The following SLC2A2 variants were observed in gnomAD, a reference collection of about 807,000 sequenced individuals.
The protein encoded by SLC2A2 is solute carrier family 2, facilitated glucose transporter member 2.
In SLC2A2, 36 loss-of-function variants were observed where a neutral mutation model predicts 54.5. That is an observed-to-expected ratio of 0.66 (90% CI 0.51 to 0.87). The LOEUF is 0.87. Among genes scored for constraint, SLC2A2 ranks in the 40% least tolerant of loss-of-function variants. The pLI is 0.00. For missense variants in SLC2A2, 543 were observed against 624.3 expected (o/e 0.87, Z 1.39); for synonymous variants, 223 against 219.1 (o/e 1.02, Z -0.16).
At chr3:171,022,856 CT>C (rs1418567490) in intron 1 of SLC2A2, among the ~76,000 whole-genome samples, 1 of 152,232 alleles carries the variant, frequency 6.6e-6, no homozygotes, top group Non-Finnish European at 1.5e-5. Context: ...TAGTTCACCC[CT>C]GTCACTTTAC....
chr3:171,014,901 G>A (rs1211616094), intron 2 of SLC2A2, among the ~76,000 whole-genome samples, 170 bp from the exon 3 acceptor site: 1 of 152,034 alleles, frequency 6.6e-6, no homozygotes, highest in Non-Finnish European at 1.5e-5. Flanking sequence ...ATAAAAGAAA[G>A]GTTATAAATT....
chr3:171,016,555 C>T (rs997216273), intron 2 of SLC2A2, among the ~76,000 whole-genome samples: 5 of 151,998 alleles, frequency 3.3e-5, no homozygotes, highest in African/African-American at 1.2e-4. Flanking sequence ...CTAATACTGT[C>T]TTCAGTAGGC....
chr3:171,019,057 A>ATG (rs762355106), intron 1 of SLC2A2, among the ~76,000 whole-genome samples: 2,844 of 137,810 alleles, frequency 0.021, 66 homozygotes, highest in South Asian at 0.061. Flanking sequence ...ATTTGTTGAT[A>ATG]TGTGTGTGTG....
At chr3:171,026,536 A>T in intron 1 of SLC2A2, 120 bp downstream of exon 1, 2 of 843,522 alleles carry the variant, frequency 2.4e-6, no homozygotes, top group Non-Finnish European at 4.2e-6. Context: ...AAGTAAAGAG[A>T]ATTAATTTTG....
intron 2 of SLC2A2, among the ~76,000 whole-genome samples, chr3:171,017,006 C>G (rs1421094336): frequency 6.6e-6 from 1 of 152,062 alleles, no homozygotes; most frequent in Non-Finnish European, 1.5e-5. Context: ...GCATGTGCCA[C>G]CACGCCCAGC....
intron 1 of SLC2A2, 89 bp from the exon 2 acceptor site, chr3:171,018,712 G>T (rs1021443263): frequency 1.5e-5 from 13 of 839,254 alleles, no homozygotes; most frequent in Non-Finnish European, 2.7e-5. Context: ...CTTCTTACAG[G>T]CTCCACAGGC....
chr3:171,007,220 A>G lies in SLC2A2; in HGVS notation c.540T>C (p.Ala180=). 6 of 1,612,708 alleles carry G rather than the reference A, an allele frequency of 3.7e-6. No homozygotes were observed. The highest frequency in any genetic ancestry group is 1.1e-5 in the South Asian group (1 of 91,066). The change falls in exon 5 of 11, where the codon GCT becomes GCC. Residue 180 remains alanine, a synonymous_variant. Coordinates refer to ENST00000314251, the MANE Select transcript of SLC2A2 (RefSeq NM_000340.2). The stretch of plus-strand genomic sequence containing the variant: ...CAAGTGCTCCCCTGAGAGCGGTTGG[A>G]GCAATTTCACCGATATACATAGGAA... ...GLVPMYIGEI[A]PTALRGALGT...
chr3:171,008,914 T>G (rs1715743265), intron 4 of SLC2A2, among the ~76,000 whole-genome samples: 1 of 152,124 alleles, frequency 6.6e-6, no homozygotes, highest in African/African-American at 2.4e-5. Flanking sequence ...TTAATTAGAC[T>G]GTTAACTTGA....
rs867530965 is a variant in SLC2A2 at position 171,026,655 on chromosome 3, C to T, written c.15+1G>A. ...TTGAAATGAATATAATGCTGCTTTA[C>T]CTTATCTTCTGTCATTGTACTAGTT... On this transcript the variant is annotated splice_donor_variant, in intron 1 of 10. Transcript: ENST00000314251. LOFTEE classifies it high-confidence loss of function. 1.9e-6 allele frequency: 3 copies of T among 1,612,800 alleles called. No homozygotes were observed. Among genetic ancestry groups the T allele is most frequent in the African/African-American group, 2.7e-5 (2 of 74,902 alleles).
intron 10 of SLC2A2, 42 bp from the exon 11 acceptor site, chr3:170,998,145 T>C (rs1047531903): frequency 1.2e-6 from 2 of 1,613,206 alleles, no homozygotes; most frequent in African/African-American, 1.3e-5. Flanking sequence ...AGCAGTTTTT[T>C]GACCCTCTCT....
chr3:171,021,909 G>T (rs1418836351), intron 1 of SLC2A2, among the ~76,000 whole-genome samples: 2 of 152,128 alleles, frequency 1.3e-5, no homozygotes, highest in Non-Finnish European at 2.9e-5. Flanking sequence ...CATCTCTCTG[G>T]CACTGACAAG....
chr3:171,024,263 T>A (rs114267961), intron 1 of SLC2A2, among the ~76,000 whole-genome samples: 1 of 152,326 alleles, frequency 6.6e-6, no homozygotes, highest in African/African-American at 2.4e-5. Flanking sequence ...TCTCATTCAT[T>A]TCTTTTGTCA....
At chr3:170,998,990 C>A in intron 9 of SLC2A2, 75 bp downstream of exon 9, 2 of 938,560 alleles carry the variant, frequency 2.1e-6, no homozygotes, top group South Asian at 2.6e-5. Flanking sequence ...ATACAAAGCA[C>A]TTTAACCTGG....
At chr3:171,002,506 A>G in intron 8 of SLC2A2, 70 bp downstream of exon 8, 2 of 976,844 alleles carry the variant, frequency 2.0e-6, no homozygotes, top group Admixed American at 1.8e-5. Flanking sequence ...TTAGAGCCGA[A>G]GTTCCCCACC....
At chr3:171,013,004 A>C (rs1715962782) in intron 3 of SLC2A2, among the ~76,000 whole-genome samples, 1 of 152,094 alleles carries the variant, frequency 6.6e-6, no homozygotes, top group African/African-American at 2.4e-5. Context: ...AAGTCACTGA[A>C]CTCATCAGAA....
At chr3:171,012,248 T>A (rs1313300944) in intron 3 of SLC2A2, among the ~76,000 whole-genome samples, 1 of 152,212 alleles carries the variant, frequency 6.6e-6, no homozygotes, top group Non-Finnish European at 1.5e-5. Context: ...TAGGTATTAT[T>A]TTTGTTTTCA....
At chr3:171,008,128 G>T (rs1308417781) in intron 4 of SLC2A2, among the ~76,000 whole-genome samples, 2 of 152,062 alleles carry the variant, frequency 1.3e-5, no homozygotes, top group Non-Finnish European at 2.9e-5. Flanking sequence ...TTAAAAATAG[G>T]ATTTGCAGAG....
chr3:171,022,843 C>T (rs1051124637), intron 1 of SLC2A2, among the ~76,000 whole-genome samples: 2 of 152,204 alleles, frequency 1.3e-5, no homozygotes, highest in African/African-American at 4.8e-5. Flanking sequence ...CTGTCGTCTC[C>T]ATTAGTTCAC....
chr3:171,017,476 G>A (rs765199727), intron 2 of SLC2A2, among the ~76,000 whole-genome samples: 11 of 152,156 alleles, frequency 7.2e-5, no homozygotes, highest in Non-Finnish European at 1.3e-4. Context: ...ACACCCTGCA[G>A]TATCTTTCAT....
Sources: allele counts gnomAD v4.1 joint callset (sites outside exome capture counted in the v4.1 genomes callset), GRCh38; gene constraint gnomAD v4.1.1; transcripts MANE v1.5; gene names NCBI Gene and HGNC (gene_info 2026-07-23, HGNC 2026-07-21).